Variants in PRICKLE2 observed in about 807,000 individuals in gnomAD.
PRICKLE2 encodes the protein prickle-like protein 2.
In PRICKLE2, 21 loss-of-function variants were observed where a neutral mutation model predicts 81.4. The ratio of observed to expected loss-of-function variants is 0.26; its 90% CI spans 0.18 to 0.37. The LOEUF (loss-of-function observed/expected upper bound fraction) is 0.37. PRICKLE2 is among the 10% of genes least tolerant of loss of function. The pLI is 1.00. For synonymous variants in PRICKLE2, 456 were observed against 421.5 expected (o/e 1.08, Z -1.00); for missense variants, 940 against 1,109.0 (o/e 0.85, Z 2.16).
At chr3:64,182,500 GA>G (rs36109758) in intron 2 of PRICKLE2, 77,533 of 141,576 alleles carry the variant, frequency 0.55, 20,985 homozygotes, top group East Asian at 0.73. Flanking sequence ...GTCTCAGAAA[GA>G]AAAAAAAAAA....
At chr3:64,157,953 C>T (rs1445121287) in intron 4 of PRICKLE2, among the ~76,000 whole-genome samples, 1 of 152,232 alleles carries the variant, frequency 6.6e-6, no homozygotes, top group African/African-American at 2.4e-5. Flanking sequence ...CTTCTAAGGC[C>T]AAACTATGGA....
chr3:64,196,728 C>T (rs1348819595), intron 2 of PRICKLE2, among the ~76,000 whole-genome samples: 1 of 152,022 alleles, frequency 6.6e-6, no homozygotes, highest in African/African-American at 2.4e-5. Flanking sequence ...GAACAGAGAT[C>T]ACAAAACGGA....
chr3:64,159,831 A>G, intron 4 of PRICKLE2, 109 bp downstream of exon 4: 1 of 1,401,244 alleles, frequency 7.1e-7, no homozygotes, highest in East Asian at 2.3e-5. Context: ...TTTGTTCACT[A>G]CTGTATCTCA....
intron 2 of PRICKLE2, among the ~76,000 whole-genome samples, chr3:64,265,540 G>T (rs1235930050): frequency 6.6e-6 from 1 of 152,124 alleles, no homozygotes; most frequent in Non-Finnish European, 1.5e-5. Flanking sequence ...CTGAGATTTG[G>T]TTTTCTAAAT....
At chr3:64,258,571 A>G (rs750741122) in intron 2 of PRICKLE2, among the ~76,000 whole-genome samples, 7 of 152,102 alleles carry the variant, frequency 4.6e-5, no homozygotes, top group Non-Finnish European at 8.8e-5. Context: ...CTGTAATCCC[A>G]GCACTTTGGG....
rs976085165 is a variant in PRICKLE2 at position 64,263,027 on chromosome 3, A to G, written c.129-64060T>C. ...ACAGAACATGCAACATCAAGCCTCAATGGGTTTCTCTACTCCAGGCCTTCT... is the reference window on the plus strand; with the variant it reads ...ACAGAACATGCAACATCAAGCCTCAGTGGGTTTCTCTACTCCAGGCCTTCT... On this transcript the variant is annotated intron_variant, in intron 2 of 8. Coordinates refer to the PRICKLE2 transcript ENST00000295902. Among the ~76,000 whole-genome samples, 8 of 152,178 alleles carry G rather than the reference A, an allele frequency of 5.3e-5. No homozygotes were observed. The South Asian group carries it at 6.2e-4, about 12-fold the overall frequency.
At chr3:64,159,776 C>G in intron 4 of PRICKLE2, 164 bp downstream of exon 4, 1 of 835,760 alleles carries the variant, frequency 1.2e-6, no homozygotes. Flanking sequence ...ACTTCCTCCC[C>G]TAGAATCCAA....
At chr3:64,199,620 G>GT (rs1458752861) in intron 1 of PRICKLE2, 1 of 152,434 alleles carries the variant, frequency 6.6e-6, no homozygotes, top group Non-Finnish European at 1.5e-5. Flanking sequence ...TGTTGGTGGG[G>GT]TTTTTTATAT....
chr3:64,198,136 C>T (rs1040955463), intron 2 of PRICKLE2, among the ~76,000 whole-genome samples: 5 of 151,684 alleles, frequency 3.3e-5, no homozygotes, highest in Admixed American at 2.0e-4. Context: ...GGCGTGAACC[C>T]GGGAGGCAGA....
intron 2 of PRICKLE2, among the ~76,000 whole-genome samples, chr3:64,187,321 C>T (rs548435695): frequency 2.6e-5 from 4 of 152,220 alleles, no homozygotes; most frequent in Admixed American, 1.3e-4. Context: ...AAGATAAATA[C>T]AGCATTGTTC....
At chr3:64,183,973 G>A (rs2078178111) in intron 2 of PRICKLE2, among the ~76,000 whole-genome samples, 1 of 152,228 alleles carries the variant, frequency 6.6e-6, no homozygotes, top group South Asian at 2.1e-4. Context: ...CAATGAGCAA[G>A]TCATGTACGT....
At position 64,098,471 on chromosome 3, in the gene PRICKLE2, GAAA is replaced by G. The variant is rs35195442; in HGVS notation, c.*577_*579del. The G allele has an allele frequency of 1.0e-3, 80 of 79,400 alleles. No homozygotes were observed. Among genetic ancestry groups the G allele is most frequent in the African/African-American group, 3.4e-3 (72 of 20,952 alleles). 4.9% of individuals were successfully genotyped at this position (79,400 alleles called of 1,614,324 possible). On this transcript the variant is annotated 3_prime_UTR_variant, in exon 8 of 8. Transcript: ENST00000638394. ...CACTGACATGTAACAAATTTGTATA[GAAA>G]AAAAAAAAAAAAAAAAAAAGGTGGT... is the stretch of plus-strand genomic sequence containing the variant.
At chr3:64,159,107 C>T (rs1408580390) in intron 4 of PRICKLE2, among the ~76,000 whole-genome samples, 1 of 152,190 alleles carries the variant, frequency 6.6e-6, no homozygotes, top group Non-Finnish European at 1.5e-5. Context: ...TCACCACACC[C>T]TGAGCACTCA....
chr3:64,159,018 C>T (rs573664631), intron 4 of PRICKLE2, among the ~76,000 whole-genome samples: 265 of 152,250 alleles, frequency 1.7e-3, no homozygotes, highest in African/African-American at 6.2e-3. Context: ...CCAAGAATGA[C>T]GATCAGCACT....
chr3:64,125,430 C>T (rs1422815255), intron 7 of PRICKLE2, among the ~76,000 whole-genome samples: 1 of 152,158 alleles, frequency 6.6e-6, no homozygotes, highest in Non-Finnish European at 1.5e-5. Context: ...GCATCACATA[C>T]TACAGAGAAA....
intron 1 of PRICKLE2, among the ~76,000 whole-genome samples, chr3:64,224,001 A>G (rs704398): frequency 0.12 from 18,813 of 152,214 alleles, 1,469 homozygotes; most frequent in East Asian, 0.4. Flanking sequence ...TTCATGGCAC[A>G]CTGGAGCCCT....
At chr3:64,124,320 C>T (rs1023982563) in intron 7 of PRICKLE2, among the ~76,000 whole-genome samples, 5 of 152,120 alleles carry the variant, frequency 3.3e-5, no homozygotes, top group African/African-American at 9.7e-5. Flanking sequence ...GAAGCCATCG[C>T]CATAACATAA....
intron 7 of PRICKLE2, among the ~76,000 whole-genome samples, chr3:64,144,192 C>T (rs765960335): frequency 5.3e-5 from 8 of 152,130 alleles, no homozygotes; most frequent in Non-Finnish European, 1.2e-4. Flanking sequence ...CAGGATGGGG[C>T]TTGTATTAGA....
chr3:64,107,013 G>C (rs1371587693), intron 7 of PRICKLE2, among the ~76,000 whole-genome samples: 1 of 152,162 alleles, frequency 6.6e-6, no homozygotes, highest in East Asian at 1.9e-4. Context: ...AATAATGCAG[G>C]CTTTATGAGA....
Sources: gnomAD v4.1 joint callset for allele counts (sites outside exome capture counted in the v4.1 genomes callset) on GRCh38, gnomAD v4.1.1 for gene constraint, MANE v1.5 for transcripts, NCBI Gene and HGNC (gene_info 2026-07-23, HGNC 2026-07-21) for gene names.